Variants in VDAC1 observed in about 807,000 individuals in gnomAD.
The protein encoded by VDAC1 is voltage dependent anion channel 1, also known as non-selective voltage-gated ion channel VDAC1.
VDAC1 carries 10 observed loss-of-function variants against 34.7 expected under a neutral mutation model. The ratio of observed to expected loss-of-function variants is 0.29; its 90% CI spans 0.18 to 0.49. The LOEUF is 0.49. VDAC1 is among the 20% of genes least tolerant of loss of function. VDAC1 has a pLI of 0.99. For synonymous variants in VDAC1, 130 were observed against 136.0 expected, an observed-to-expected ratio of 0.96 and a Z score of 0.30; for missense variants, 230 against 347.9, an observed-to-expected ratio of 0.66 and a Z score of 2.69.
At chr5:134,008,304 T>C (rs773779176), upstream of VDAC1, among the ~76,000 whole-genome samples, 2 of 152,202 alleles carry the variant, frequency 1.3e-5, no homozygotes, top group African/African-American at 2.4e-5. Flanking sequence ...GACTACACCC[T>C]GTACTTACCA....
the VDAC1 span, among the ~76,000 whole-genome samples, chr5:134,113,326 T>A: frequency 1.3e-5 from 2 of 151,836 alleles, no homozygotes. Flanking sequence ...GAGGGGGGTG[T>A]GGGGGCTGGT....
At chr5:134,054,982 G>A in the VDAC1 span, among the ~76,000 whole-genome samples, 4 of 152,214 alleles carry the variant, frequency 2.6e-5, no homozygotes, top group Admixed American at 1.3e-4. Context: ...AACTCTGGTC[G>A]TTCCTTTATT....
chr5:134,070,243 G>A, the VDAC1 span, among the ~76,000 whole-genome samples: 8 of 152,246 alleles, frequency 5.3e-5, no homozygotes, highest in African/African-American at 1.9e-4. Flanking sequence ...CCAGTTTCAA[G>A]CGATTCTCCT....
At chr5:134,022,765 C>A in the VDAC1 span, among the ~76,000 whole-genome samples, 1 of 152,176 alleles carries the variant, frequency 6.6e-6, no homozygotes, top group Non-Finnish European at 1.5e-5. Context: ...TTGCATTCAA[C>A]TGTAAAAATG....
the VDAC1 span, among the ~76,000 whole-genome samples, chr5:134,029,071 G>A: frequency 3.5e-4 from 53 of 152,272 alleles, 1 homozygote; most frequent in Non-Finnish European, 1.9e-4. Flanking sequence ...GACAGTTCCA[G>A]TTTTCACACT....
At chr5:134,107,849 C>T in the VDAC1 span, among the ~76,000 whole-genome samples, 1 of 152,230 alleles carries the variant, frequency 6.6e-6, no homozygotes, top group South Asian at 2.1e-4. Context: ...CTTACCCCCA[C>T]TTAACAGATG....
intron 1 of VDAC1, among the ~76,000 whole-genome samples, chr5:134,003,435 C>T (rs1012657604): frequency 6.6e-6 from 1 of 152,232 alleles, no homozygotes; most frequent in Non-Finnish European, 1.5e-5. Context: ...TCTGCTCCTG[C>T]ATTCAAGATC....
the VDAC1 span, among the ~76,000 whole-genome samples, chr5:134,095,007 A>G: frequency 6.6e-6 from 1 of 152,346 alleles, no homozygotes; most frequent in African/African-American, 2.4e-5. Flanking sequence ...GTTCCTCCAC[A>G]TGTCCAGTTT....
chr5:134,041,849 C>T, the VDAC1 span, among the ~76,000 whole-genome samples: 92 of 152,274 alleles, frequency 6.0e-4, no homozygotes, highest in African/African-American at 2.0e-3. Context: ...CAGAGTAAGG[C>T]GCCATCCTGG....
the VDAC1 span, among the ~76,000 whole-genome samples, chr5:134,091,148 T>A: frequency 6.6e-6 from 1 of 152,122 alleles, no homozygotes; most frequent in South Asian, 2.1e-4. Context: ...AAATGGGCTG[T>A]GAAAAAGGAA....
the VDAC1 span, among the ~76,000 whole-genome samples, chr5:134,050,739 A>G: frequency 6.6e-6 from 1 of 152,232 alleles, no homozygotes; most frequent in South Asian, 2.1e-4. Context: ...TCAAAGTGGA[A>G]TATTAAAAAC....
the VDAC1 span, among the ~76,000 whole-genome samples, chr5:134,031,950 C>CAA: frequency 1.4e-3 from 97 of 68,762 alleles, 1 homozygote; most frequent in African/African-American, 2.2e-3. Flanking sequence ...GACCCCATCT[C>CAA]AAAAAAAAAA....
chr5:134,005,970 C>T (rs576957794), upstream of VDAC1, among the ~76,000 whole-genome samples: 112 of 152,124 alleles, frequency 7.4e-4, no homozygotes, highest in African/African-American at 2.4e-3. Flanking sequence ...ACTGGGGCTA[C>T]GGAGGAGGCA....
the VDAC1 span, among the ~76,000 whole-genome samples, chr5:134,055,383 T>A: frequency 1.3e-5 from 2 of 152,152 alleles, no homozygotes; most frequent in African/African-American, 4.8e-5. Flanking sequence ...ATTCTGGTCC[T>A]CGTGACATGT....
intron 6 of VDAC1, among the ~76,000 whole-genome samples, chr5:133,979,586 C>T (rs868482798): frequency 5.9e-5 from 9 of 151,866 alleles, no homozygotes; most frequent in East Asian, 1.9e-4. Context: ...CCCGCCACCA[C>T]GCCCAGCTAA....
At chr5:134,074,538 G>A in the VDAC1 span, among the ~76,000 whole-genome samples, 29 of 151,866 alleles carry the variant, frequency 1.9e-4, no homozygotes, top group East Asian at 5.7e-3. Flanking sequence ...GGCTCACAGT[G>A]TAAGTCCAGG....
the VDAC1 span, among the ~76,000 whole-genome samples, chr5:134,099,923 C>T: frequency 6.6e-6 from 1 of 152,296 alleles, no homozygotes; most frequent in Non-Finnish European, 1.5e-5. Context: ...ATCGTCCAGG[C>T]CCAGGGTTGA....
the VDAC1 span, among the ~76,000 whole-genome samples, chr5:134,060,066 T>A: frequency 6.6e-6 from 1 of 151,838 alleles, no homozygotes; most frequent in Non-Finnish European, 1.5e-5. Flanking sequence ...CCAGGGCCCC[T>A]GCTAGTGATG....
chr5:134,092,185 C>T, the VDAC1 span, among the ~76,000 whole-genome samples: 1 of 152,166 alleles, frequency 6.6e-6, no homozygotes, highest in African/African-American at 2.4e-5. Context: ...TCCTGTGCCC[C>T]TAACTTCTGT....
Sources: gnomAD v4.1 joint callset for allele counts (sites outside exome capture counted in the v4.1 genomes callset) on GRCh38, gnomAD v4.1.1 for gene constraint, MANE v1.5 for transcripts, NCBI Gene and HGNC (gene_info 2026-07-23, HGNC 2026-07-21) for gene names.